Variants in EMCN observed in about 807,000 individuals in gnomAD.
The protein encoded by EMCN is MUC-14.
Under a neutral mutation model 38.4 loss-of-function variants are expected in EMCN, and 37 were observed. The observed-to-expected ratio is 0.96, with a 90% CI of 0.74 to 1.27. The LOEUF is 1.27. Ranked by LOEUF, EMCN falls within the 50% of genes most tolerant of loss-of-function variation. EMCN has a pLI of 0.00. For synonymous variants in EMCN, 95 were observed against 100.8 expected (o/e 0.94, Z 0.35); for missense variants, 318 against 302.8 (o/e 1.05, Z -0.37).
intron 5 of EMCN, among the ~76,000 whole-genome samples, chr4:100,439,448 G>A (rs1295125662): frequency 6.6e-6 from 1 of 151,312 alleles, no homozygotes; most frequent in Non-Finnish European, 1.5e-5. Flanking sequence ...TTTCGTAGTA[G>A]TCTTAACGAT....
At chr4:100,446,061 C>G (rs890716614) in intron 5 of EMCN, 13 of 984,584 alleles carry the variant, frequency 1.3e-5, no homozygotes, top group Non-Finnish European at 1.6e-5. Context: ...ATCCTTCAGT[C>G]CCTCCTTAAA....
At chr4:100,514,936 T>C (rs1414081351) in intron 1 of EMCN, among the ~76,000 whole-genome samples, 1 of 152,106 alleles carries the variant, frequency 6.6e-6, no homozygotes, top group Non-Finnish European at 1.5e-5. Flanking sequence ...TCTCCCCCAC[T>C]TCTACGGTGA....
At chr4:100,504,759 G>A (rs971633789) in intron 1 of EMCN, among the ~76,000 whole-genome samples, 8 of 152,270 alleles carry the variant, frequency 5.3e-5, no homozygotes, top group South Asian at 4.1e-4. Flanking sequence ...AAAAACACCC[G>A]CTACTTAGCA....
chr4:100,414,348 CTTTTTTTTTTTTTT>C (rs5860622), intron 10 of EMCN, among the ~76,000 whole-genome samples: 1,324 of 59,862 alleles, frequency 0.022, 47 homozygotes, highest in African/African-American at 0.079. Context: ...TGCTTGAGCA[CTTTTTTTTTTTTTT>C]TTTTTTTTTT....
intron 10 of EMCN, among the ~76,000 whole-genome samples, chr4:100,414,847 T>C (rs1267692160): frequency 1.3e-5 from 2 of 152,214 alleles, no homozygotes; most frequent in Non-Finnish European, 1.5e-5. Context: ...AATTGGTTAT[T>C]ATAAATGTAT....
chr4:100,397,479 A>G lies in EMCN; in HGVS notation c.*934T>C, dbSNP rs1429146690. Reference sequence around the variant, plus strand: ...ACTAGAGGTTAGCAATGATTGCTAGAGCAAATAATTACATTTCTAAAAGAA... The same window carrying G: ...ACTAGAGGTTAGCAATGATTGCTAGGGCAAATAATTACATTTCTAAAAGAA... On this transcript the variant is annotated 3_prime_UTR_variant, in exon 12 of 12. Transcript: ENST00000296420. 1 of 152,196 alleles carries G rather than the reference A, an allele frequency of 6.6e-6. No individual in the cohort carries two copies. Among genetic ancestry groups the G allele is most frequent in the Non-Finnish European group, 1.5e-5 (1 of 68,032 alleles). The allele number at this position is 152,196 out of a possible 1,614,324, so 9.4% of individuals were successfully genotyped here. A position where few individuals can be genotyped will look rare whatever the true frequency, so the allele number is the denominator to read the frequency against.
chr4:100,496,932 G>T lies in EMCN; in HGVS notation c.65-16893C>A, dbSNP rs183125746. Among the ~76,000 whole-genome samples, 8 of 151,994 alleles carry T rather than the reference G, an allele frequency of 5.3e-5. No individual in the cohort carries two copies. The East Asian group carries it at 1.4e-3, about 26-fold the overall frequency. ...TGAAGGATTTTGTAATGCACCATAT[G>T]ATAGCTTCTCCATATGACAGAAAGT... On this transcript the variant is annotated intron_variant, in intron 1 of 11. Transcript: ENST00000296420.
In EMCN at chr4:100,454,211, G is replaced by C. The variant is rs538964855; in HGVS notation, c.377-6640C>G. On this transcript the variant is annotated intron_variant, in intron 4 of 11. Transcript: ENST00000296420. The stretch of plus-strand genomic sequence containing the variant: ...ATTAAAAAAATAAAAAAGAGTTAAT[G>C]AGTATGTCGTGTTTTCAAGCCATTA... Among the ~76,000 whole-genome samples, 3 of 145,872 alleles carry C rather than the reference G, an allele frequency of 2.1e-5. No individual in the cohort carries two copies. The South Asian group carries it at 6.7e-4, about 33-fold the overall frequency.
intron 5 of EMCN, among the ~76,000 whole-genome samples, chr4:100,440,609 G>C (rs965867939): frequency 2.0e-5 from 3 of 151,838 alleles, no homozygotes; most frequent in African/African-American, 7.3e-5. Flanking sequence ...TATGGTGTGT[G>C]TGTATATATA....
chr4:100,485,041 C>G (rs1728905204), intron 1 of EMCN, among the ~76,000 whole-genome samples: 1 of 152,054 alleles, frequency 6.6e-6, no homozygotes, highest in African/African-American at 2.4e-5. Context: ...AAGGTTTAAA[C>G]TCTTAAAGAA....
chr4:100,428,886 C>T (rs776226926), intron 5 of EMCN, among the ~76,000 whole-genome samples: 2 of 152,038 alleles, frequency 1.3e-5, no homozygotes, highest in Non-Finnish European at 2.9e-5. Flanking sequence ...AGGTGAGAAG[C>T]ATATCCCAAA....
chr4:100,418,184 A>G (rs1478061710), intron 8 of EMCN, among the ~76,000 whole-genome samples: 1 of 152,112 alleles, frequency 6.6e-6, no homozygotes, highest in Non-Finnish European at 1.5e-5. Context: ...TTTTAACAGC[A>G]TTTTTTGATT....
chr4:100,496,673 C>T (rs1729215806), intron 1 of EMCN, among the ~76,000 whole-genome samples: 1 of 152,154 alleles, frequency 6.6e-6, no homozygotes, highest in South Asian at 2.1e-4. Context: ...GAACCTTGCT[C>T]TCTTGATGTT....
At chr4:100,496,980 T>C (rs759330897) in intron 1 of EMCN, among the ~76,000 whole-genome samples, 2 of 151,990 alleles carry the variant, frequency 1.3e-5, no homozygotes, top group Admixed American at 6.6e-5. Flanking sequence ...ATTTTCTCTC[T>C]TTCCTTTTTT....
At chr4:100,407,568 A>G (rs146909314) in intron 11 of EMCN, among the ~76,000 whole-genome samples, 1,795 of 152,204 alleles carry the variant, frequency 0.012, 35 homozygotes, top group African/African-American at 0.04. Flanking sequence ...TCTGGCTTGT[A>G]GAGTTTTGGC....
At chr4:100,405,169 G>T (rs997379677) in intron 11 of EMCN, among the ~76,000 whole-genome samples, 2 of 151,910 alleles carry the variant, frequency 1.3e-5, no homozygotes, top group African/African-American at 4.8e-5. Flanking sequence ...AAGACAGATC[G>T]TTTAACTTCT....
chr4:100,419,957 A>G (rs1214817993), intron 8 of EMCN, among the ~76,000 whole-genome samples: 1 of 152,118 alleles, frequency 6.6e-6, no homozygotes, highest in Admixed American at 6.6e-5. Flanking sequence ...CCTGGGGGGC[A>G]CACTGTCCAT....
intron 5 of EMCN, among the ~76,000 whole-genome samples, chr4:100,436,872 G>C (rs541431142): frequency 4.0e-4 from 61 of 152,240 alleles, no homozygotes; most frequent in African/African-American, 1.4e-3. Flanking sequence ...AGTGGTGAGA[G>C]AGGTGTGCGG....
chr4:100,403,914 TG>T (rs1726324961), intron 11 of EMCN, among the ~76,000 whole-genome samples: 1 of 152,088 alleles, frequency 6.6e-6, no homozygotes, highest in Admixed American at 6.6e-5. Context: ...CATTTTTTAA[TG>T]GGGTTGTTTT....
Sources: gnomAD v4.1 joint callset for allele counts (sites outside exome capture counted in the v4.1 genomes callset) on GRCh38, gnomAD v4.1.1 for gene constraint, MANE v1.5 for transcripts, NCBI Gene and HGNC (gene_info 2026-07-23, HGNC 2026-07-21) for gene names.